Variants in ATXN1 observed in about 807,000 individuals in gnomAD.
ATXN1 encodes ataxin 1, also known as ataxin-1.
A neutral mutation model predicts 56.4 loss-of-function variants in ATXN1; 8 were observed. That is an observed-to-expected ratio of 0.14 (90% CI 0.08 to 0.26). The LOEUF is 0.26. Among genes scored for constraint, ATXN1 ranks in the 10% least tolerant of loss-of-function variants. The pLI is 1.00. For missense variants in ATXN1, 987 were observed against 1,106.5 expected, an observed-to-expected ratio of 0.89 and a Z score of 1.53; for synonymous variants, 514 against 494.6, an observed-to-expected ratio of 1.04 and a Z score of -0.52.
intron 6 of ATXN1, among the ~76,000 whole-genome samples, chr6:16,417,904 C>T (rs1305398395): frequency 6.6e-6 from 1 of 152,162 alleles, no homozygotes; most frequent in Non-Finnish European, 1.5e-5. Flanking sequence ...AGTTCATCCT[C>T]GAAGATTTGG....
intron 4 of ATXN1, among the ~76,000 whole-genome samples, chr6:16,549,629 G>T (rs375985324): frequency 6.6e-6 from 1 of 152,088 alleles, no homozygotes; most frequent in East Asian, 1.9e-4. Flanking sequence ...CAGGTGCAGC[G>T]GCTTACGCCT....
At position 16,326,666 on chromosome 6, in the gene ATXN1, G is replaced by C; in HGVS notation, c.1645C>G (p.Gln549Glu). ...VTQAAYPAMV[Q>E]AQIHLPVVQS... is the part of the protein sequence containing the mutation. The stretch of plus-strand genomic sequence containing the variant: ...ACCACAGGCAGGTGGATCTGGGCCT[G>C]CACCATGGCTGGGTAGGCGGCCTGG... The change falls in exon 7 of 8, where the codon CAG (glutamine) becomes GAG (glutamate). Residue 549 changes from glutamine (Q) to glutamate (E), a missense_variant. Around this residue, in one of 3 missense-constraint regions of ATXN1, gnomAD observed 723 missense variants for 791.7 expected, o/e 0.91. Transcript: ENST00000436367. The surrounding 1 kb of genome is among the most constrained non-coding windows in gnomAD (Gnocchi z 6.6). 6.2e-7 allele frequency: 1 copy of C among 1,613,428 alleles called. No individual in the cohort carries two copies. Among genetic ancestry groups the C allele is most frequent in the African/African-American group, 1.3e-5 (1 of 75,066 alleles).
At chr6:16,588,794 A>AGGAGGAAGGGAG (rs766933770) in intron 3 of ATXN1, among the ~76,000 whole-genome samples, 17 of 152,114 alleles carry the variant, frequency 1.1e-4, no homozygotes, top group Non-Finnish European at 2.1e-4. Context: ...GAAGGAGGGA[A>AGGAGGAAGGGAG]GGAGGAAGGG....
At chr6:16,657,358 CAT>C (rs1476523987) in intron 3 of ATXN1, among the ~76,000 whole-genome samples, 2 of 152,172 alleles carry the variant, frequency 1.3e-5, no homozygotes, top group African/African-American at 4.8e-5. Context: ...TTATGTGGCA[CAT>C]GACTGTATTT....
intron 5 of ATXN1, among the ~76,000 whole-genome samples, chr6:16,519,537 G>C (rs931461392): frequency 2.6e-5 from 4 of 152,210 alleles, no homozygotes; most frequent in Non-Finnish European, 5.9e-5. Context: ...CCACTGGTAG[G>C]TGTCTCCTCA....
intron 5 of ATXN1, among the ~76,000 whole-genome samples, chr6:16,496,657 G>C (rs1263060514): frequency 6.6e-6 from 1 of 152,098 alleles, no homozygotes; most frequent in Non-Finnish European, 1.5e-5. Context: ...ATGCAGCCGT[G>C]GTTTGTCTTA....
intron 4 of ATXN1, among the ~76,000 whole-genome samples, chr6:16,541,019 G>GT (rs1761704112): frequency 6.6e-6 from 1 of 152,172 alleles, no homozygotes; most frequent in Non-Finnish European, 1.5e-5. Flanking sequence ...TGAGCTCATC[G>GT]TAACTAAACC....
At chr6:16,346,627 T>A (rs1011470745) in intron 6 of ATXN1, among the ~76,000 whole-genome samples, 2 of 152,344 alleles carry the variant, frequency 1.3e-5, no homozygotes, top group African/African-American at 2.4e-5. Flanking sequence ...CTCGTGACTT[T>A]AGGAAAGTCT....
At chr6:16,379,019 C>T (rs1372999166) in intron 6 of ATXN1, among the ~76,000 whole-genome samples, 1 of 152,140 alleles carries the variant, frequency 6.6e-6, no homozygotes, top group African/African-American at 2.4e-5. Context: ...AACCCAAATG[C>T]CCATCAATTG....
intron 4 of ATXN1, among the ~76,000 whole-genome samples, chr6:16,574,362 T>G (rs1191512532): frequency 1.3e-5 from 2 of 152,188 alleles, no homozygotes; most frequent in Non-Finnish European, 2.9e-5. Context: ...TGCGCCACCA[T>G]GCCCAGCTAA....
chr6:16,623,606 A>C lies in ATXN1; in HGVS notation c.-489+34170T>G, dbSNP rs566112170. On this transcript the variant is annotated intron_variant, in intron 3 of 7. Coordinates refer to ENST00000436367, the MANE Select transcript of ATXN1 (RefSeq NM_001128164.2). ...AGCAAAATGAAGACATTTAAATTAA[A>C]GCAAACATGCTTACAAAAATATTCT... 6.6e-5 allele frequency among the ~76,000 whole-genome samples: 10 copies of C among 152,382 alleles called. No homozygotes were observed. The South Asian group carries it at 2.1e-3, about 32-fold the overall frequency.
chr6:16,488,655 C>A (rs1193513054), intron 5 of ATXN1, among the ~76,000 whole-genome samples: 1 of 152,208 alleles, frequency 6.6e-6, no homozygotes, highest in Non-Finnish European at 1.5e-5. Flanking sequence ...ATTAAAGCAT[C>A]ATCCAACAGG....
chr6:16,706,662 T>C (rs1006127491), intron 2 of ATXN1, among the ~76,000 whole-genome samples: 8 of 147,894 alleles, frequency 5.4e-5, no homozygotes, highest in African/African-American at 2.0e-4. Context: ...AGGCGGAAGT[T>C]GCAGGGAGCC....
intron 3 of ATXN1, among the ~76,000 whole-genome samples, chr6:16,618,060 A>G (rs1478549604): frequency 1.3e-5 from 2 of 152,118 alleles, no homozygotes; most frequent in Non-Finnish European, 2.9e-5. Context: ...AGCAAAAAAA[A>G]AAATTAAAAA....
chr6:16,672,761 T>TA (rs1758571450), intron 2 of ATXN1, among the ~76,000 whole-genome samples: 2 of 152,166 alleles, frequency 1.3e-5, no homozygotes, highest in African/African-American at 4.8e-5. Flanking sequence ...GGTTCATGCC[T>TA]GTGATCCCAG....
chr6:16,684,773 C>A (rs1366444899), intron 2 of ATXN1, among the ~76,000 whole-genome samples: 2 of 151,960 alleles, frequency 1.3e-5, no homozygotes, highest in Non-Finnish European at 2.9e-5. Context: ...AATTCAATTT[C>A]CTTGAATGTA....
chr6:16,644,416 G>A (rs1307094334), intron 3 of ATXN1, among the ~76,000 whole-genome samples: 7 of 151,614 alleles, frequency 4.6e-5, no homozygotes, highest in Admixed American at 2.6e-4. Flanking sequence ...TCGGGAGGCC[G>A]AGGCAGGAGA....
chr6:16,382,474 A>G (rs1261533881), intron 6 of ATXN1, among the ~76,000 whole-genome samples: 2 of 152,176 alleles, frequency 1.3e-5, no homozygotes, highest in Non-Finnish European at 2.9e-5. Context: ...TAAAGAAAAG[A>G]AAAAGAATTC....
At chr6:16,518,163 A>G (rs1761221332) in intron 5 of ATXN1, among the ~76,000 whole-genome samples, 1 of 152,158 alleles carries the variant, frequency 6.6e-6, no homozygotes, top group African/African-American at 2.4e-5. Context: ...GGGGGCGGGT[A>G]GGCCTGATGG....
Sources: gnomAD v4.1 joint callset for allele counts (sites outside exome capture counted in the v4.1 genomes callset) on GRCh38, gnomAD v4.1.1 for gene constraint, gnomAD v4.1.1 regional missense constraint, Gnocchi (gnomAD v3.1) non-coding constraint, MANE v1.5 for transcripts, NCBI Gene and HGNC (gene_info 2026-07-23, HGNC 2026-07-21) for gene names.